PKN2: variants seen among roughly 807,000 people sequenced by gnomAD.
PKN2 encodes serine/threonine-protein kinase N2.
PKN2 carries 38 observed loss-of-function variants against 119.1 expected under a neutral mutation model. The ratio of observed to expected loss-of-function variants is 0.32; its 90% CI spans 0.25 to 0.42. The LOEUF is 0.42. PKN2 is among the 10% of genes least tolerant of loss of function. PKN2 has a pLI of 1.00. For synonymous variants in PKN2, 390 were observed against 384.9 expected (o/e 1.01, Z -0.15); for missense variants, 850 against 1,165.1 (o/e 0.73, Z 3.94).
At chr1:88,767,129 A>G (rs1268229328) in intron 3 of PKN2, among the ~76,000 whole-genome samples, 4 of 152,176 alleles carry the variant, frequency 2.6e-5, no homozygotes, top group Non-Finnish European at 5.9e-5. Context: ...GGAATAAGAC[A>G]CTTAATCATT....
At chr1:88,755,409 GTTTAC>G (rs1293897165) in intron 2 of PKN2, among the ~76,000 whole-genome samples, 1 of 152,132 alleles carries the variant, frequency 6.6e-6, no homozygotes, top group Non-Finnish European at 1.5e-5. Flanking sequence ...ACTTTATAAA[GTTTAC>G]TTTATATAAG....
chr1:88,777,048 T>G (rs1670136494), intron 6 of PKN2, among the ~76,000 whole-genome samples: 1 of 152,154 alleles, frequency 6.6e-6, no homozygotes. Context: ...TTTGCCTACA[T>G]TGGTGTGCTT....
chr1:88,835,739 G>T lies in PKN2; in HGVS notation c.*2291G>T, dbSNP rs982538103. The T allele has an allele frequency of 1.3e-5, 2 of 152,264 alleles. No individual in the cohort carries two copies. The highest frequency in any genetic ancestry group is 2.9e-5 in the Non-Finnish European group (2 of 67,882). The allele number at this position is 152,264 out of a possible 1,614,324, so 9.4% of individuals were successfully genotyped here. On this transcript the variant is annotated 3_prime_UTR_variant, in exon 22 of 22. Transcript: ENST00000370521. ...TCACTATGTCATTCTAAGAAAACAA[G>T]TGTTTTTTGCAGTCATAAATTATCA...
At chr1:88,803,192 A>G (rs1570654220) in intron 8 of PKN2, among the ~76,000 whole-genome samples, 1 of 152,024 alleles carries the variant, frequency 6.6e-6, no homozygotes, top group East Asian at 1.9e-4. Flanking sequence ...CCATAGACGT[A>G]TTTTTCTAAT....
chr1:88,723,892 C>T (rs1667793011), intron 1 of PKN2, among the ~76,000 whole-genome samples: 1 of 152,142 alleles, frequency 6.6e-6, no homozygotes, highest in Admixed American at 6.5e-5. Context: ...TTTGCCTTCT[C>T]ATCTATTTTT....
At chr1:88,806,633 T>C (rs1338595712) in intron 12 of PKN2, among the ~76,000 whole-genome samples, 2 of 152,214 alleles carry the variant, frequency 1.3e-5, no homozygotes, top group Non-Finnish European at 1.5e-5. Context: ...AGGAGTGTGG[T>C]TGATACTACA....
intron 18 of PKN2, among the ~76,000 whole-genome samples, chr1:88,827,680 C>CTA (rs1478177662): frequency 9.2e-5 from 12 of 130,060 alleles, no homozygotes; most frequent in South Asian, 2.7e-4. Flanking sequence ...TCCTCTCTCT[C>CTA]TCTCTATATA....
chr1:88,811,754 T>C (rs867125968), intron 15 of PKN2, among the ~76,000 whole-genome samples: 9 of 152,200 alleles, frequency 5.9e-5, no homozygotes, highest in African/African-American at 1.9e-4. Flanking sequence ...TCCCAAACCA[T>C]ACAAAGCATA....
At chr1:88,750,537 A>G (rs552116771) in intron 2 of PKN2, among the ~76,000 whole-genome samples, 1 of 152,246 alleles carries the variant, frequency 6.6e-6, no homozygotes, top group African/African-American at 2.4e-5. Context: ...AATTTTAATC[A>G]TATCCTATTT....
chr1:88,770,617 G>T (rs1000954308), intron 4 of PKN2, 148 bp downstream of exon 4: 16 of 553,026 alleles, frequency 2.9e-5, no homozygotes, highest in Non-Finnish European at 4.8e-5. Flanking sequence ...ACGGAGTCTC[G>T]CTCTGTCGCC....
At chr1:88,798,326 T>C (rs1431221468) in intron 8 of PKN2, among the ~76,000 whole-genome samples, 2 of 151,688 alleles carry the variant, frequency 1.3e-5, no homozygotes, top group Non-Finnish European at 2.9e-5. Flanking sequence ...ATAGAAGAGT[T>C]TGAAAACATG....
chr1:88,781,335 T>C (rs1670333998), intron 6 of PKN2, among the ~76,000 whole-genome samples: 2 of 151,986 alleles, frequency 1.3e-5, no homozygotes. Context: ...TTTTGAGAAA[T>C]TTACTAGTTT....
Position 88,828,878 on chromosome 1 carries a change from GA to G in PKN2, c.2562+256del, listed in dbSNP as rs1402464044. On this transcript the variant is annotated intron_variant, in intron 19 of 21. Coordinates refer to ENST00000370521, the MANE Select transcript of PKN2 (RefSeq NM_006256.4). ...GTATTGTACTTTTATTATGTTTTCT[GA>G]TTTTAAGACATAGTCATTTTATAGG... 2.0e-5 allele frequency: 12 copies of G among 604,478 alleles called. No homozygotes were observed. The African/African-American group carries it at 2.1e-4, about 10-fold the overall frequency. The allele number at this position is 604,478 out of a possible 1,614,324, so 37.4% of individuals were successfully genotyped here.
In PKN2 at chr1:88,712,984, C is replaced by T. The variant is rs530136760; in HGVS notation, c.49-28004C>T. ...GTTCCCCACCCTGTGTCCAAGTGTT[C>T]TCATTGTTCAGTTCCCACCTATGAG... On this transcript the variant is annotated intron_variant, in intron 1 of 21. Coordinates refer to ENST00000370521, the MANE Select transcript of PKN2 (RefSeq NM_006256.4). 3.3e-5 allele frequency among the ~76,000 whole-genome samples: 5 copies of T among 151,690 alleles called. No individual in the cohort carries two copies. In the South Asian group the frequency reaches 8.3e-4, roughly 25 times the overall value.
intron 3 of PKN2, among the ~76,000 whole-genome samples, chr1:88,762,728 T>G (rs1304918000): frequency 6.6e-6 from 1 of 152,222 alleles, no homozygotes; most frequent in East Asian, 1.9e-4. Flanking sequence ...TGACTGACTT[T>G]GGAAGCACAA....
chr1:88,729,791 T>A (rs1668059569), intron 1 of PKN2, among the ~76,000 whole-genome samples: 1 of 151,186 alleles, frequency 6.6e-6, no homozygotes, highest in African/African-American at 2.5e-5. Flanking sequence ...CAATGCACCA[T>A]AGCTTCGCAA....
intron 2 of PKN2, among the ~76,000 whole-genome samples, chr1:88,757,914 C>T (rs1413659699): frequency 1.3e-5 from 2 of 151,534 alleles, no homozygotes; most frequent in South Asian, 4.2e-4. Flanking sequence ...TGGTGGCAGG[C>T]GCCTGTAACA....
intron 4 of PKN2, 148 bp from the exon 5 acceptor site, chr1:88,771,270 TATC>T: frequency 2.0e-6 from 1 of 504,520 alleles, no homozygotes. Context: ...TGAATTTCAA[TATC>T]ATATCAAATA....
chr1:88,707,696 C>A (rs759051109), intron 1 of PKN2, among the ~76,000 whole-genome samples: 5 of 152,028 alleles, frequency 3.3e-5, no homozygotes, highest in Non-Finnish European at 7.4e-5. Context: ...AGAAAAGATA[C>A]CTCATTATCT....
Sources: gnomAD v4.1 joint callset for allele counts (sites outside exome capture counted in the v4.1 genomes callset) on GRCh38, gnomAD v4.1.1 for gene constraint, MANE v1.5 for transcripts, NCBI Gene and HGNC (gene_info 2026-07-23, HGNC 2026-07-21) for gene names.